The following EGFL6 variants were observed in gnomAD, a reference collection of about 807,000 sequenced individuals.
The protein encoded by EGFL6 is epidermal growth factor-like protein 6.
A neutral mutation model predicts 43.1 loss-of-function variants in EGFL6; 42 were observed. The observed-to-expected ratio is 0.98, with a 90% CI of 0.76 to 1.26. The LOEUF is 1.26. EGFL6 is among the 50% of genes most tolerant of loss of function. EGFL6 has a pLI of 0.00. For synonymous variants in EGFL6, 164 were observed against 163.2 expected (o/e 1.01, Z -0.04); for missense variants, 429 against 427.8 (o/e 1.00, Z -0.02).
chrX:13,621,824 A>G (rs1466941668), intron 9 of EGFL6, among the ~76,000 whole-genome samples: 2 of 112,629 alleles, frequency 1.8e-5, no homozygotes, highest in African/African-American at 6.5e-5. Context: ...TGTGGATTAA[A>G]CCAGAGAATA....
In EGFL6 at chrX:13,632,336, CTG is replaced by C. The variant is rs1168897792; in HGVS notation, c.1552-647_1552-646del. 3.6e-5 allele frequency among the ~76,000 whole-genome samples: 3 copies of C among 83,686 alleles called. No homozygotes were observed. The East Asian group carries it at 1.2e-3, about 34-fold the overall frequency. 72.7% of individuals were successfully genotyped at this position (83,686 alleles called of 115,157 possible). The stretch of plus-strand genomic sequence containing the variant: ...TTTTTTTTTGAGGCAGAGTCTCACT[CTG>C]TCGCCCAGGCTGGAGTGCAGTGGCG... On this transcript the variant is annotated intron_variant, in intron 11 of 11. Coordinates refer to ENST00000361306, the MANE Select transcript of EGFL6 (RefSeq NM_015507.4).
chrX:13,573,915 G>A (rs772033111), intron 1 of EGFL6, among the ~76,000 whole-genome samples: 1 of 112,471 alleles, frequency 8.9e-6, no homozygotes, highest in Non-Finnish European at 1.9e-5. Context: ...GCACATTCAA[G>A]GGACATATGT....
At chrX:13,579,624 C>T (rs1056518498) in intron 1 of EGFL6, among the ~76,000 whole-genome samples, 1 of 111,403 alleles carries the variant, frequency 9.0e-6, no homozygotes, top group Non-Finnish European at 1.9e-5. Context: ...AATGGGATTG[C>T]TGGGTCAAAT....
At chrX:13,571,686 C>T (rs2045443853) in intron 1 of EGFL6, among the ~76,000 whole-genome samples, 1 of 112,078 alleles carries the variant, frequency 8.9e-6, no homozygotes, top group African/African-American at 3.2e-5. Flanking sequence ...TTCTGCAATT[C>T]TGCAGTTTTC....
At chrX:13,619,316 A>C in intron 9 of EGFL6, 73 bp downstream of exon 9, 3 of 943,577 alleles carry the variant, frequency 3.2e-6, no homozygotes, top group Non-Finnish European at 4.6e-6. Context: ...CATACAGTGA[A>C]ATGATTGTTT....
At position 13,594,820 on chromosome X, in the gene EGFL6, T is replaced by C. The variant is rs781550134; in HGVS notation, c.188-16T>C. ...CTACTGTTCTTTTATCATCAAGACA[T>C]CTTTTCCTTCCACAGCTACATGCGA... On this transcript the variant is annotated splice_polypyrimidine_tract_variant and intron_variant, in intron 2 of 11. Transcript: ENST00000361306. 9 of 1,201,742 alleles carry C rather than the reference T, an allele frequency of 7.5e-6. No individual in the cohort carries two copies. The highest frequency in any genetic ancestry group is 2.3e-4 in the Middle Eastern group (1 of 4,286).
intron 1 of EGFL6, among the ~76,000 whole-genome samples, chrX:13,579,332 G>T (rs918446034): frequency 1.8e-5 from 2 of 111,372 alleles, no homozygotes; most frequent in Non-Finnish European, 3.8e-5. Context: ...CCACTTATAA[G>T]TGAGAACATG....
chrX:13,623,377 GTTTTTT>G (rs774112791), intron 9 of EGFL6, among the ~76,000 whole-genome samples: 4 of 40,362 alleles, frequency 9.9e-5, no homozygotes, highest in South Asian at 2.1e-3. Flanking sequence ...TTTATTTTGG[GTTTTTT>G]TTTTTTTTTT....
chrX:13,630,782 C>G (rs950003437), intron 11 of EGFL6, among the ~76,000 whole-genome samples: 1 of 111,702 alleles, frequency 9.0e-6, no homozygotes, highest in Admixed American at 9.5e-5. Context: ...TGACAGCAAG[C>G]CTAAAGTTGC....
intron 11 of EGFL6, among the ~76,000 whole-genome samples, chrX:13,630,192 C>T (rs1025251919): frequency 4.5e-5 from 5 of 111,523 alleles, no homozygotes; most frequent in African/African-American, 1.3e-4. Context: ...GGGTAACAAA[C>T]GTCAGGAAAG....
intron 10 of EGFL6, among the ~76,000 whole-genome samples, chrX:13,626,664 G>T (rs2045782100): frequency 8.9e-6 from 1 of 111,868 alleles, no homozygotes; most frequent in Admixed American, 9.5e-5. Context: ...TCACCAAAAT[G>T]GAAATGAAAT....
chrX:13,626,599 G>C (rs953121977), intron 10 of EGFL6, among the ~76,000 whole-genome samples: 3 of 112,044 alleles, frequency 2.7e-5, no homozygotes, highest in African/African-American at 9.7e-5. Flanking sequence ...CATTTAAGGA[G>C]CTGATCATCT....
At chrX:13,622,707 T>C (rs1371549106) in intron 9 of EGFL6, among the ~76,000 whole-genome samples, 2 of 112,569 alleles carry the variant, frequency 1.8e-5, no homozygotes, top group African/African-American at 6.5e-5. Flanking sequence ...AACTCCGTCA[T>C]TGTAGCTCAG....
chrX:13,586,897 A>G (rs1406078363), intron 1 of EGFL6, among the ~76,000 whole-genome samples: 1 of 112,637 alleles, frequency 8.9e-6, no homozygotes, highest in East Asian at 2.8e-4. Flanking sequence ...ATTCAGCAAT[A>G]AAAAGAAATA....
chrX:13,624,446 C>G (rs2045767477), intron 10 of EGFL6, among the ~76,000 whole-genome samples: 1 of 111,445 alleles, frequency 9.0e-6, no homozygotes, highest in African/African-American at 3.3e-5. Context: ...GCTTTCCCTT[C>G]TGTTTGTTGC....
Position 13,586,768 on chromosome X carries a change from T to G in EGFL6, c.75-2788T>G, listed in dbSNP as rs145355588. Among the ~76,000 whole-genome samples, 287 of 112,114 alleles carry G rather than the reference T, an allele frequency of 2.6e-3. 6 individuals carry two copies. In the East Asian group the frequency reaches 0.063, roughly 25 times the overall value. On this transcript the variant is annotated intron_variant, in intron 1 of 11. Coordinates refer to ENST00000361306, the MANE Select transcript of EGFL6 (RefSeq NM_015507.4). ...TTAAAACATATGTCCACACAAAAAC[T>G]TGTGCACCAATGTTCATAGCAACAT...
At chrX:13,625,899 AAAAAGAAAAAG>A (rs1569210493) in intron 10 of EGFL6, among the ~76,000 whole-genome samples, 18 of 39,144 alleles carry the variant, frequency 4.6e-4, no homozygotes, top group South Asian at 1.7e-3. Flanking sequence ...AAAAAAAAAA[AAAAAGAAAAAG>A]AAAAAAAGAA....
chrX:13,625,545 G>A (rs1369424441), intron 10 of EGFL6, among the ~76,000 whole-genome samples: 1 of 110,066 alleles, frequency 9.1e-6, no homozygotes, highest in Non-Finnish European at 1.9e-5. Context: ...TTAGCCGGGC[G>A]TGGTGGTGTG....
intron 3 of EGFL6, among the ~76,000 whole-genome samples, chrX:13,598,211 T>C (rs371424200): frequency 8.9e-6 from 1 of 112,149 alleles, no homozygotes; most frequent in East Asian, 2.8e-4. Flanking sequence ...AATTTCCCCA[T>C]TTGAAGAGGT....
Sources: allele counts gnomAD v4.1 joint callset (sites outside exome capture counted in the v4.1 genomes callset), GRCh38; gene constraint gnomAD v4.1.1; transcripts MANE v1.5; gene names NCBI Gene and HGNC (gene_info 2026-07-23, HGNC 2026-07-21).